The following CHD1 variants were observed in gnomAD, a reference collection of about 807,000 sequenced individuals.
The protein encoded by CHD1 is ATP-dependent chromatin remodeler CHD1.
In CHD1, 36 loss-of-function variants were observed where a neutral mutation model predicts 224.2. That is an observed-to-expected ratio of 0.16 (90% CI 0.12 to 0.21). The LOEUF is 0.21. CHD1 is among the 10% of genes least tolerant of loss of function. CHD1 has a pLI of 1.00. For missense variants in CHD1, 1,378 were observed against 1,994.8 expected, an observed-to-expected ratio of 0.69 and a Z score of 5.89; for synonymous variants, 668 against 658.3, an observed-to-expected ratio of 1.01 and a Z score of -0.23.
At chr5:98,874,704 T>C (rs1024857954) in intron 25 of CHD1, among the ~76,000 whole-genome samples, 6 of 149,658 alleles carry the variant, frequency 4.0e-5, no homozygotes, top group Non-Finnish European at 8.9e-5. Flanking sequence ...AGTGAGAGAC[T>C]CCATTTAAAA....
rs758004117 is a variant in CHD1 at position 98,892,713 on chromosome 5, C to G, written c.1992G>C (p.Lys664Asn). Residue 664 changes from lysine (K) to asparagine (N), a missense_variant and splice_region_variant, in exon 15 of 36, where the codon AAG (lysine) becomes AAC (asparagine). Physicochemically the swap from Lys to Asn is moderately conservative, Grantham distance 94. Transcript: ENST00000614616. ...WSLLHFIMPE[K>N]FSSWEDFEEE... ...CTTCAAAATCTTCCCAGGAAGAAAACCTTTAAAATTTAAGAAATTGGAACA... is the reference window on the plus strand; with the variant it reads ...CTTCAAAATCTTCCCAGGAAGAAAAGCTTTAAAATTTAAGAAATTGGAACA... 1 of 1,564,030 alleles carries G rather than the reference C, an allele frequency of 6.4e-7. No homozygotes were observed.
At chr5:98,883,824 TAA>T (rs759614085) in intron 18 of CHD1, 14 of 105,162 alleles carry the variant, frequency 1.3e-4, no homozygotes, top group Middle Eastern at 3.6e-3. Context: ...GATTGGAGAC[TAA>T]ATATATATAT....
rs141376642 is a variant in CHD1, at chr5:98,908,218, C to A, written c.54-3120G>T. On this transcript the variant is annotated intron_variant, in intron 2 of 35. Transcript: ENST00000614616. Reference sequence around the variant, plus strand: ...ATTCTCTAAAAGCCACTTACTCTTTCCACTTCCTGCCTTTGTACCATTCCT... The same window carrying A: ...ATTCTCTAAAAGCCACTTACTCTTTACACTTCCTGCCTTTGTACCATTCCT... Among the ~76,000 whole-genome samples the A allele has an allele frequency of 2.6e-5, 4 of 152,286 alleles. No individual in the cohort carries two copies. In the East Asian group the frequency reaches 7.7e-4, roughly 29 times the overall value.
At position 98,876,532 on chromosome 5, in the gene CHD1, C is replaced by T. The variant is rs760602398; in HGVS notation, c.3264G>A (p.Arg1088=). The change falls in exon 24 of 36, where the codon AGG becomes AGA. Residue 1088 remains arginine, a synonymous_variant. Coordinates refer to ENST00000614616, the MANE Select transcript of CHD1 (RefSeq NM_001270.4). ...CAGAGTATCTCCTACTTCTACTGCG[C>T]CTCCCTTCACTTCCATTGAAACTAA... The part of the protein sequence containing the change: ...KQISFNGSEG[R]RSRSRRYSGS... The T allele has an allele frequency of 6.2e-7, 1 of 1,613,796 alleles. No homozygotes were observed. Among genetic ancestry groups the T allele is most frequent in the South Asian group, 1.1e-5 (1 of 91,064 alleles).
At chr5:98,895,363 A>G (rs1432681206) in intron 12 of CHD1, among the ~76,000 whole-genome samples, 2 of 152,232 alleles carry the variant, frequency 1.3e-5, no homozygotes, top group Non-Finnish European at 2.9e-5. Context: ...AGGTATAGAC[A>G]AAACAAAACT....
Position 98,928,815 on chromosome 5 carries a change from C to G in CHD1, c.-425G>C, listed in dbSNP as rs1232853624. On this transcript the variant is annotated 5_prime_UTR_variant, in exon 1 of 36. Transcript: ENST00000614616. The stretch of plus-strand genomic sequence containing the variant: ...TATAAGTAACCAGTCGTCGCCGCCG[C>G]CGCCGCCGCCGTCGCGCGCGCGCTC... 1 of 160,494 alleles carries G rather than the reference C, an allele frequency of 6.2e-6. No individual in the cohort carries two copies. The highest frequency in any genetic ancestry group is 1.3e-5 in the Non-Finnish European group (1 of 74,082). The allele number at this position is 160,494 out of a possible 1,614,324, so 9.9% of individuals were successfully genotyped here. A position where few individuals can be genotyped will look rare whatever the true frequency, so the allele number is the denominator to read the frequency against.
intron 2 of CHD1, among the ~76,000 whole-genome samples, chr5:98,905,999 C>T (rs1452302911): frequency 6.6e-6 from 1 of 152,102 alleles, no homozygotes; most frequent in East Asian, 1.9e-4. Context: ...ATACAGTTTA[C>T]AGATATACAA....
At chr5:98,903,105 T>C (rs865883749) in intron 4 of CHD1, 141 bp from the exon 5 acceptor site, 1 of 508,262 alleles carries the variant, frequency 2.0e-6, no homozygotes, top group East Asian at 3.2e-5. Context: ...GTTTTATTTA[T>C]GTTAACTAGC....
At chr5:98,898,014 A>G (rs886496150) in intron 10 of CHD1, among the ~76,000 whole-genome samples, 3 of 151,740 alleles carry the variant, frequency 2.0e-5, no homozygotes, top group Admixed American at 2.0e-4. Flanking sequence ...ACTTAAGAAG[A>G]TACATTGACG....
chr5:98,883,854 T>C (rs745948989), intron 18 of CHD1: 1 of 33,876 alleles, frequency 3.0e-5, no homozygotes, highest in Non-Finnish European at 5.2e-5. Context: ...TATATATATA[T>C]ATATATATTT....
intron 15 of CHD1, among the ~76,000 whole-genome samples, chr5:98,891,843 T>C (rs1481046615): frequency 6.6e-6 from 1 of 152,006 alleles, no homozygotes; most frequent in Non-Finnish European, 1.5e-5. Context: ...AGAAAGAAAG[T>C]GAAGCTGAGT....
rs1257877237 is a variant in CHD1, at chr5:98,903,852, C to T, written c.312G>A (p.Lys104=). The T allele has an allele frequency of 5.0e-6, 8 of 1,613,242 alleles. No individual in the cohort carries two copies. The highest frequency in any genetic ancestry group is 6.8e-6 in the Non-Finnish European group (8 of 1,179,648). ...LAVQRSAILK[K]QQQQQQQQQH... ...GTTGTTGCTGCTGCTGCTGTTGCTG[C>T]TTCTTGAGGATTGCAGATCTCTGAA... Residue 104 remains lysine (K), a synonymous_variant, in exon 4 of 36, where the codon AAG becomes AAA. Transcript: ENST00000614616.
chr5:98,890,286 T>A (rs545091267), intron 15 of CHD1, among the ~76,000 whole-genome samples: 4 of 152,338 alleles, frequency 2.6e-5, no homozygotes, highest in Admixed American at 2.0e-4. Context: ...AAATATCTAG[T>A]GTACATACTC....
chr5:98,896,859 G>GA (rs2112496704), intron 11 of CHD1, among the ~76,000 whole-genome samples: 2 of 148,212 alleles, frequency 1.3e-5, no homozygotes, highest in East Asian at 2.0e-4. Context: ...ATAGAAGATA[G>GA]AAAAAAAATG....
intron 10 of CHD1, 137 bp from the exon 11 acceptor site, chr5:98,897,457 T>C (rs755224668): frequency 5.6e-5 from 34 of 611,524 alleles, no homozygotes; most frequent in Non-Finnish European, 8.5e-5. Context: ...TTACTCAAAA[T>C]GTACCTGAGG....
chr5:98,926,776 G>A (rs988563215), intron 1 of CHD1, among the ~76,000 whole-genome samples: 2 of 152,010 alleles, frequency 1.3e-5, no homozygotes, highest in Non-Finnish European at 2.9e-5. Flanking sequence ...AATATTTGTG[G>A]AGTGAAAGGA....
Position 98,870,493 on chromosome 5 carries a change from C to T in CHD1, c.3978+194G>A, listed in dbSNP as rs181032730. Among the ~76,000 whole-genome samples the T allele has an allele frequency of 3.0e-3, 451 of 152,060 alleles. 1 individual carries two copies. The highest frequency in any genetic ancestry group is 4.4e-3 in the Non-Finnish European group (301 of 67,944). On this transcript the variant is annotated intron_variant, in intron 29 of 35. Coordinates refer to ENST00000614616, the MANE Select transcript of CHD1 (RefSeq NM_001270.4). ...AATCCTACTTCTGAAAGCTATGATTCATCAGTTTTAACATGTATGCTGAGA... is the reference window on the plus strand; with the variant it reads ...AATCCTACTTCTGAAAGCTATGATTTATCAGTTTTAACATGTATGCTGAGA...
chr5:98,872,478 G>A lies in CHD1; in HGVS notation c.3649C>T (p.His1217Tyr). The A allele has an allele frequency of 6.2e-7, 1 of 1,612,896 alleles. No homozygotes were observed. The highest frequency in any genetic ancestry group is 8.5e-7 in the Non-Finnish European group (1 of 1,179,140). ...TGCAAAGGTATTAATTCTTCTTCAT[G>A]GGAGATGACTAGTTTGGCATTCACC... ...VQVNAKLVIS[H>Y]EEELIPLHKS... Residue 1217 changes from histidine to tyrosine, a missense_variant, in exon 27 of 36, where the codon CAT becomes TAT. Transcript: ENST00000614616.
rs370090244 is a variant in CHD1 at position 98,876,530 on chromosome 5, C to G, written c.3266G>C (p.Arg1089Pro). 2 of 1,613,578 alleles carry G rather than the reference C, an allele frequency of 1.2e-6. No individual in the cohort carries two copies. The highest frequency in any genetic ancestry group is 1.7e-6 in the Non-Finnish European group (2 of 1,179,750). The change falls in exon 24 of 36, where the codon CGC becomes CCC. Residue 1089 changes from arginine (R) to proline (P), a missense_variant. Arg to Pro is a moderately radical substitution (Grantham distance 103, BLOSUM62 -2). Coordinates refer to ENST00000614616, the MANE Select transcript of CHD1 (RefSeq NM_001270.4). ...QISFNGSEGRRSRSRRYSGSD... is the reference protein window; with the variant it reads ...QISFNGSEGRPSRSRRYSGSD... ...TCCAGAGTATCTCCTACTTCTACTG[C>G]GCCTCCCTTCACTTCCATTGAAACT...
Sources: gnomAD v4.1 joint callset for allele counts (sites outside exome capture counted in the v4.1 genomes callset) on GRCh38, gnomAD v4.1.1 for gene constraint, MANE v1.5 for transcripts, NCBI Gene and HGNC (gene_info 2026-07-23, HGNC 2026-07-21) for gene names.